SIPA1L3: variants seen among roughly 807,000 people sequenced by gnomAD.
SIPA1L3 encodes the protein signal-induced proliferation-associated 1-like protein 3.
Under a neutral mutation model 150.1 loss-of-function variants are expected in SIPA1L3, and 59 were observed. The observed-to-expected ratio is 0.39, with a 90% CI of 0.32 to 0.49. The LOEUF (loss-of-function observed/expected upper bound fraction) is 0.49, where lower values mean the gene tolerates loss of function less well. Ranked by LOEUF, SIPA1L3 falls within the 20% of genes least tolerant of loss-of-function variation. The pLI is 0.86. For missense variants in SIPA1L3, 2,211 were observed against 2,489.5 expected, an observed-to-expected ratio of 0.89 and a Z score of 2.38; for synonymous variants, 1,070 against 1,077.6, an observed-to-expected ratio of 0.99 and a Z score of 0.14.
At chr19:37,957,890 T>C (rs1056311425) in intron 1 of SIPA1L3, among the ~76,000 whole-genome samples, 21 of 151,708 alleles carry the variant, frequency 1.4e-4, no homozygotes, top group Admixed American at 1.1e-3. Context: ...TTTTTTTTTA[T>C]TTTTGTGGAG....
chr19:38,028,370 T>C (rs1199853051), intron 1 of SIPA1L3, among the ~76,000 whole-genome samples: 2 of 152,052 alleles, frequency 1.3e-5, no homozygotes, highest in African/African-American at 4.8e-5. Flanking sequence ...TCCTGACTGC[T>C]CCTGAGATGC....
intron 2 of SIPA1L3, among the ~76,000 whole-genome samples, chr19:38,031,279 C>T (rs748514118): frequency 6.6e-6 from 1 of 152,228 alleles, no homozygotes; most frequent in African/African-American, 2.4e-5. Context: ...CAACCCAGTA[C>T]GATTAACTCA....
At chr19:38,183,711 G>A (rs564776711) in intron 16 of SIPA1L3, among the ~76,000 whole-genome samples, 1 of 152,184 alleles carries the variant, frequency 6.6e-6, no homozygotes, top group South Asian at 2.1e-4. Context: ...CCTAAGGCAG[G>A]GTGTGGAGAG....
At chr19:38,088,578 T>G in intron 3 of SIPA1L3, 143 bp from the exon 4 acceptor site, 2 of 995,138 alleles carry the variant, frequency 2.0e-6, no homozygotes, top group South Asian at 1.6e-5. Flanking sequence ...GGGGTGTCTG[T>G]GACCAGGCAT....
intron 1 of SIPA1L3, among the ~76,000 whole-genome samples, chr19:37,938,519 A>G (rs2046621707): frequency 6.6e-6 from 1 of 152,052 alleles, no homozygotes; most frequent in African/African-American, 2.4e-5. Context: ...ATTGTGGTTA[A>G]TTTACCCCTG....
intron 1 of SIPA1L3, among the ~76,000 whole-genome samples, chr19:37,956,320 A>G (rs2046810252): frequency 6.6e-6 from 1 of 152,028 alleles, no homozygotes; most frequent in African/African-American, 2.4e-5. Flanking sequence ...CTTTGGTGAA[A>G]TATGTATTTG....
intron 8 of SIPA1L3, among the ~76,000 whole-genome samples, chr19:38,112,256 A>G (rs1970780878): frequency 6.6e-6 from 1 of 151,476 alleles, no homozygotes; most frequent in Non-Finnish European, 1.5e-5. Context: ...ACACAGGCAC[A>G]CACAAGCACA....
chr19:38,051,519 T>C (rs1168743289), intron 2 of SIPA1L3, among the ~76,000 whole-genome samples: 1 of 152,202 alleles, frequency 6.6e-6, no homozygotes, highest in Non-Finnish European at 1.5e-5. Context: ...CAAAGACGGT[T>C]CTGCCACTAG....
chr19:37,986,713 C>T (rs145350011), intron 1 of SIPA1L3, among the ~76,000 whole-genome samples: 6 of 152,274 alleles, frequency 3.9e-5, no homozygotes, highest in Non-Finnish European at 7.3e-5. Flanking sequence ...ACAACGTGCC[C>T]GTGCCTGCCT....
intron 12 of SIPA1L3, among the ~76,000 whole-genome samples, chr19:38,152,234 C>T (rs332848): frequency 0.34 from 51,228 of 152,118 alleles, 10,251 homozygotes; most frequent in Middle Eastern, 0.52. Context: ...AGGAATCAAA[C>T]CCCTGCCTAA....
intron 12 of SIPA1L3, among the ~76,000 whole-genome samples, chr19:38,147,768 C>T (rs1196871729): frequency 6.6e-6 from 1 of 152,108 alleles, no homozygotes; most frequent in African/African-American, 2.4e-5. Context: ...GTGAGTCCTC[C>T]CAGCAACTCC....
intron 2 of SIPA1L3, among the ~76,000 whole-genome samples, chr19:38,064,656 G>A (rs1444355731): frequency 3.3e-5 from 5 of 152,112 alleles, no homozygotes; most frequent in African/African-American, 4.8e-5. Flanking sequence ...CCAAGATCGC[G>A]CCACTGCACT....
intron 1 of SIPA1L3, among the ~76,000 whole-genome samples, chr19:38,014,942 TA>T (rs1968198723): frequency 6.6e-6 from 1 of 152,148 alleles, no homozygotes; most frequent in Non-Finnish European, 1.5e-5. Context: ...GTGCTGGGAT[TA>T]CAGGTGTGAG....
At chr19:38,003,792 T>G (rs1328039545) in intron 1 of SIPA1L3, among the ~76,000 whole-genome samples, 2 of 152,160 alleles carry the variant, frequency 1.3e-5, no homozygotes, top group Non-Finnish European at 2.9e-5. Flanking sequence ...GTTTTGAAAC[T>G]TTAGACCCCA....
intron 1 of SIPA1L3, among the ~76,000 whole-genome samples, chr19:37,914,115 A>G (rs2046397508): frequency 6.6e-6 from 1 of 151,796 alleles, no homozygotes; most frequent in South Asian, 2.1e-4. Flanking sequence ...GTGGAGAGCA[A>G]ATGGCTGATG....
intron 1 of SIPA1L3, among the ~76,000 whole-genome samples, chr19:37,945,409 TG>T (rs1299062341): frequency 6.6e-6 from 1 of 152,254 alleles, no homozygotes; most frequent in East Asian, 1.9e-4. Context: ...GATATTTTTT[TG>T]TATTTTTTGT....
intron 2 of SIPA1L3, among the ~76,000 whole-genome samples, chr19:38,050,486 T>C (rs545327833): frequency 1.3e-5 from 2 of 152,164 alleles, no homozygotes; most frequent in Admixed American, 1.3e-4. Context: ...AAACAGCGCC[T>C]AACACATATG....
intron 13 of SIPA1L3, 68 bp from the exon 14 acceptor site, chr19:38,162,185 G>T: frequency 2.4e-6 from 3 of 1,237,322 alleles, no homozygotes; most frequent in South Asian, 1.2e-5. Flanking sequence ...TCTGGCAAAG[G>T]GTCCAGATTC....
intron 8 of SIPA1L3, among the ~76,000 whole-genome samples, chr19:38,119,024 G>A (rs944372466): frequency 4.6e-5 from 7 of 151,934 alleles, no homozygotes; most frequent in South Asian, 2.1e-4. Flanking sequence ...GTGAGACCTC[G>A]TCTCTACAAA....
Sources: allele counts gnomAD v4.1 joint callset (sites outside exome capture counted in the v4.1 genomes callset), GRCh38; gene constraint gnomAD v4.1.1; transcripts MANE v1.5; gene names NCBI Gene and HGNC (gene_info 2026-07-23, HGNC 2026-07-21).